Variants in BSCL2 observed in about 807,000 individuals in gnomAD.
BSCL2 encodes BSCL2 lipid droplet biogenesis associated, seipin.
A neutral mutation model predicts 57.4 loss-of-function variants in BSCL2; 41 were observed. The observed-to-expected ratio is 0.71, with a 90% CI of 0.56 to 0.93. The LOEUF (loss-of-function observed/expected upper bound fraction) is 0.93, where lower values mean the gene tolerates loss of function less well. Among genes scored for constraint, BSCL2 ranks in the 40% least tolerant of loss-of-function variants. The probability of loss-of-function intolerance (pLI) is 0.00; values close to 1 mark genes in which losing one functional copy is unlikely to be tolerated. For missense variants in BSCL2, 539 were observed against 586.7 expected, an observed-to-expected ratio of 0.92 and a Z score of 0.84; for synonymous variants, 237 against 227.3, an observed-to-expected ratio of 1.04 and a Z score of -0.38.
intron 3 of BSCL2, chr11:62,697,469 C>T (rs1401822526): frequency 6.7e-6 from 1 of 149,368 alleles, no homozygotes; most frequent in East Asian, 2.0e-4. Context: ...CTAACATTCC[C>T]ATGTAATATT....
chr11:62,694,678 A>G lies in BSCL2; in HGVS notation c.520T>C (p.Leu174=). 1.2e-6 allele frequency: 2 copies of G among 1,614,156 alleles called. No homozygotes were observed. The highest frequency in any genetic ancestry group is 1.1e-5 in the South Asian group (1 of 91,078). ...LMYGQPYRVT[L]ELELPESPVN... The stretch of plus-strand genomic sequence containing the variant: ...GGGGACTCTGGCAGCTCAAGCTCTA[A>G]GGTAACACGATACGGCTGTCCATAC... The change falls in exon 4 of 11, where the codon TTA becomes CTA. Residue 174 remains leucine (L), a synonymous_variant. Transcript: ENST00000360796.
At chr11:62,693,024 T>C (rs1008348748) in intron 4 of BSCL2, among the ~76,000 whole-genome samples, 8 of 152,074 alleles carry the variant, frequency 5.3e-5, no homozygotes, top group Non-Finnish European at 1.2e-4. Context: ...GGCCCCTCCT[T>C]CCAAGAAACC....
Position 62,705,513 on chromosome 11 carries a change from G to C in BSCL2, c.192C>G (p.Ala64=). The C allele has an allele frequency of 1.2e-6, 2 of 1,613,812 alleles. No homozygotes were observed. Among genetic ancestry groups the C allele is most frequent in the Non-Finnish European group, 1.7e-6 (2 of 1,179,744 alleles). ...EPGARHPALP[A]MVNDPPVPAL... ...CAGGTACTGGAGGGTCGTTGACCAT[G>C]GCCGGGAGAGCAGGGTGTCTGGCCC... Residue 64 remains alanine, a synonymous_variant, in exon 2 of 11, where the codon GCC becomes GCG. Transcript: ENST00000360796.
chr11:62,708,302 G>A (rs763384342), upstream of BSCL2: 2 of 1,610,050 alleles, frequency 1.2e-6, no homozygotes, highest in Admixed American at 1.7e-5. Flanking sequence ...CAGGATGAAA[G>A]GTGAGACCCC....
intron 4 of BSCL2, 42 bp from the exon 5 acceptor site, chr11:62,692,839 C>T: frequency 6.2e-7 from 1 of 1,610,554 alleles, no homozygotes. Context: ...AGGTGCATGC[C>T]AGATCCCCAT....
At chr11:62,692,642 A>C in intron 5 of BSCL2, 21 bp downstream of exon 5, 1 of 1,613,792 alleles carries the variant, frequency 6.2e-7, no homozygotes, top group Non-Finnish European at 8.5e-7. Context: ...CCTAGTCATA[A>C]AGCTCGTTCA....
At chr11:62,694,800 GC>G in intron 3 of BSCL2, 89 bp from the exon 4 acceptor site, 2 of 1,456,532 alleles carry the variant, frequency 1.4e-6, no homozygotes, top group Non-Finnish European at 1.9e-6. Context: ...CCCCCGCAAC[GC>G]CCCCAAATAC....
intron 1 of BSCL2, chr11:62,706,424 C>G (rs1435499258): frequency 1.1e-5 from 6 of 549,382 alleles, no homozygotes; most frequent in Non-Finnish European, 1.7e-5. Flanking sequence ...CCTTCCCGAG[C>G]TGCGAGGTCG....
chr11:62,699,675 G>GTT (rs71056548), intron 3 of BSCL2, among the ~76,000 whole-genome samples: 1,200 of 87,190 alleles, frequency 0.014, 39 homozygotes, highest in African/African-American at 0.036. Context: ...ATCCTATCTG[G>GTT]TTTTTTTTTT....
upstream of BSCL2, chr11:62,708,058 T>C (rs1382885560): frequency 1.8e-6 from 1 of 558,848 alleles, no homozygotes; most frequent in Non-Finnish European, 3.2e-6. Flanking sequence ...ATCATTTGTG[T>C]AAGGTTTAAT....
chr11:62,691,559 C>T (rs1317415132), intron 6 of BSCL2, 138 bp from the exon 7 acceptor site: 10 of 1,051,464 alleles, frequency 9.5e-6, no homozygotes, highest in Admixed American at 2.0e-5. Context: ...CTCCCACCCA[C>T]ACAGTTTCCA....
intron 1 of BSCL2, 29 bp downstream of exon 1, chr11:62,707,080 C>T (rs2083553468): frequency 6.5e-7 from 1 of 1,539,846 alleles, no homozygotes; most frequent in Non-Finnish European, 8.8e-7. Context: ...CAGTATATTT[C>T]TGCTGACTGT....
intron 3 of BSCL2, among the ~76,000 whole-genome samples, chr11:62,700,243 A>G (rs953666393): frequency 2.4e-4 from 36 of 151,986 alleles, no homozygotes; most frequent in African/African-American, 8.0e-4. Flanking sequence ...CTTGTCTTGA[A>G]AAATAAAATA....
upstream of BSCL2, chr11:62,709,488 C>T (rs1469147035): frequency 6.6e-6 from 3 of 453,852 alleles, no homozygotes; most frequent in Non-Finnish European, 1.3e-5. Context: ...TGCGGGAGTG[C>T]AGTCGTACAG....
upstream of BSCL2, chr11:62,708,454 C>T (rs2083579930): frequency 3.0e-6 from 4 of 1,345,022 alleles, no homozygotes; most frequent in South Asian, 2.3e-5. Context: ...CTGCAGGTTC[C>T]CAAAGCTCAA....
At chr11:62,694,240 G>A (rs1471296594) in intron 4 of BSCL2, among the ~76,000 whole-genome samples, 2 of 103,852 alleles carry the variant, frequency 1.9e-5, no homozygotes, top group Non-Finnish European at 3.5e-5. Flanking sequence ...GTCTTGCTCT[G>A]TTGCCCAGGA....
intron 3 of BSCL2, among the ~76,000 whole-genome samples, chr11:62,697,931 G>A (rs1234261848): frequency 4.8e-5 from 7 of 145,232 alleles, no homozygotes; most frequent in South Asian, 4.3e-4. Flanking sequence ...TTTTTGAGAC[G>A]GAGTCTCGCT....
chr11:62,709,240 C>T (rs774856935), upstream of BSCL2: 4 of 454,990 alleles, frequency 8.8e-6, no homozygotes, highest in South Asian at 6.2e-5. Context: ...GGGAGAGGAT[C>T]ATCAAGCAAT....
At chr11:62,702,209 G>GGCAT (rs1393243598) in intron 3 of BSCL2, among the ~76,000 whole-genome samples, 1 of 151,940 alleles carries the variant, frequency 6.6e-6, no homozygotes, top group African/African-American at 2.4e-5. Context: ...TGGGATTACA[G>GGCAT]GCATGCACCA....
Sources: allele counts gnomAD v4.1 joint callset (sites outside exome capture counted in the v4.1 genomes callset), GRCh38; gene constraint gnomAD v4.1.1; transcripts MANE v1.5; gene names NCBI Gene and HGNC (gene_info 2026-07-23, HGNC 2026-07-21).